FAM72D: variants seen among roughly 807,000 people sequenced by gnomAD.
FAM72D encodes the protein RUMY family member 4, also known as protein FAM72D.
For missense variants in FAM72D, 9 were observed against 104.7 expected (o/e 0.09, Z 3.99); for synonymous variants, 4 against 35.1 (o/e 0.11, Z 3.13).
intron 3 of FAM72D, among the ~76,000 whole-genome samples, chr1:145,107,162 G>T (rs1654959279): frequency 6.9e-6 from 1 of 144,084 alleles, no homozygotes; most frequent in African/African-American, 2.6e-5. Context: ...AATTATTTTA[G>T]TAAGAAAGTA....
chr1:145,105,845 G>A (rs1366911149), intron 3 of FAM72D, among the ~76,000 whole-genome samples: 24 of 142,596 alleles, frequency 1.7e-4, no homozygotes, highest in African/African-American at 6.3e-4. Flanking sequence ...CCAGCTACTT[G>A]GGAGGCTAAG....
intron 2 of FAM72D, among the ~76,000 whole-genome samples, chr1:145,101,037 G>A (rs1172899276): frequency 6.6e-6 from 1 of 150,680 alleles, no homozygotes; most frequent in Non-Finnish European, 1.5e-5. Context: ...CGTCTTCTGG[G>A]TTCAAGTGAT....
At chr1:145,103,756 G>A (rs1654816694) in intron 3 of FAM72D, among the ~76,000 whole-genome samples, 1 of 141,050 alleles carries the variant, frequency 7.1e-6, no homozygotes, top group East Asian at 2.1e-4. Flanking sequence ...CAATTTTTTG[G>A]TTTCCCAGTG....
intron 2 of FAM72D, among the ~76,000 whole-genome samples, chr1:145,102,707 C>T (rs1480758433): frequency 6.4e-5 from 7 of 109,088 alleles, no homozygotes; most frequent in African/African-American, 1.7e-4. Flanking sequence ...GCGGAGGTTG[C>T]AGGCACTCCA....
intron 2 of FAM72D, among the ~76,000 whole-genome samples, chr1:145,100,919 G>T (rs1654676820): frequency 1.4e-5 from 2 of 144,116 alleles, no homozygotes; most frequent in African/African-American, 5.2e-5. Flanking sequence ...ACAGGTGTGA[G>T]CCACCGCACC....
chr1:145,107,358 G>A (rs1553638549), intron 3 of FAM72D, among the ~76,000 whole-genome samples: 1 of 122,572 alleles, frequency 8.2e-6, no homozygotes, highest in Non-Finnish European at 1.7e-5. Context: ...CGATTCTCGT[G>A]CCTCAGCCTC....
At chr1:145,102,681 C>T (rs1654762983) in intron 2 of FAM72D, among the ~76,000 whole-genome samples, 1 of 91,762 alleles carries the variant, frequency 1.1e-5, no homozygotes, top group South Asian at 3.9e-4. Context: ...GCAGGAGAAT[C>T]ACTTGAACCT....
chr1:145,105,876 C>T (rs1358171837), intron 3 of FAM72D, among the ~76,000 whole-genome samples: 1 of 141,894 alleles, frequency 7.0e-6, no homozygotes, highest in Non-Finnish European at 1.5e-5. Flanking sequence ...GGCTTGAACC[C>T]GGGAGGCGGA....
intron 3 of FAM72D, among the ~76,000 whole-genome samples, chr1:145,109,775 TGAC>T (rs1252871543): frequency 1.7e-5 from 2 of 114,672 alleles, no homozygotes; most frequent in Non-Finnish European, 3.6e-5. Context: ...CTCAAAAACA[TGAC>T]GAGTGAAAAA....
At chr1:145,100,730 A>G (rs1483556711) in intron 2 of FAM72D, among the ~76,000 whole-genome samples, 3 of 149,592 alleles carry the variant, frequency 2.0e-5, no homozygotes, top group Non-Finnish European at 4.4e-5. Context: ...GAGCTCAGGC[A>G]GTCCGCCTGC....
At chr1:145,102,765 T>TAAG (rs1553638097) in intron 2 of FAM72D, among the ~76,000 whole-genome samples, 1 of 136,530 alleles carries the variant, frequency 7.3e-6, no homozygotes, top group East Asian at 2.1e-4. Context: ...ATAATAATAA[T>TAAG]AATAATAATA....
intron 3 of FAM72D, among the ~76,000 whole-genome samples, chr1:145,105,704 G>C (rs1212785547): frequency 6.6e-6 from 1 of 150,740 alleles, no homozygotes; most frequent in African/African-American, 2.5e-5. Context: ...TGTAATCCCA[G>C]CAGTTTGGGA....
chr1:145,107,610 A>T (rs1571203244), intron 3 of FAM72D, among the ~76,000 whole-genome samples: 1 of 69,636 alleles, frequency 1.4e-5, no homozygotes, highest in Non-Finnish European at 2.9e-5. Context: ...CAGGCTGGAG[A>T]GCAGTGGCGT....
chr1:145,105,955 A>G (rs1654904797), intron 3 of FAM72D, among the ~76,000 whole-genome samples: 1 of 149,544 alleles, frequency 6.7e-6, no homozygotes, highest in Admixed American at 6.6e-5. Flanking sequence ...TCCATCTCAA[A>G]AAAAAAAAAA....
chr1:145,105,679 G>T (rs782404483), intron 3 of FAM72D, among the ~76,000 whole-genome samples: 1 of 150,796 alleles, frequency 6.6e-6, no homozygotes, highest in Admixed American at 6.6e-5. Flanking sequence ...GAGGCCGGGC[G>T]CGGTGGCTCA....
At chr1:145,105,797 A>G (rs1276167892) in intron 3 of FAM72D, among the ~76,000 whole-genome samples, 3 of 147,002 alleles carry the variant, frequency 2.0e-5, no homozygotes, top group African/African-American at 7.5e-5. Flanking sequence ...TACTAAAAAT[A>G]CAAAATTAGC....
chr1:145,105,932 A>G (rs1264663183), intron 3 of FAM72D, among the ~76,000 whole-genome samples: 6 of 148,280 alleles, frequency 4.0e-5, no homozygotes, highest in Non-Finnish European at 7.5e-5. Flanking sequence ...AGCCTGGGCA[A>G]CAAAAGTGAA....
chr1:145,094,993 G>A, upstream of FAM72D: 1 of 1,541,474 alleles, frequency 6.5e-7, no homozygotes, highest in Non-Finnish European at 8.7e-7. Flanking sequence ...GTCCCAGGCT[G>A]TACAGTGATG....
intron 2 of FAM72D, among the ~76,000 whole-genome samples, chr1:145,100,490 CTTTT>C (rs1323178789): frequency 7.6e-6 from 1 of 130,994 alleles, no homozygotes; most frequent in Non-Finnish European, 1.6e-5. Context: ...TTTCTTCTTT[CTTTT>C]TTTTTTTTTT....
Sources: allele counts gnomAD v4.1 joint callset (sites outside exome capture counted in the v4.1 genomes callset), GRCh38; gene constraint gnomAD v4.1.1; transcripts MANE v1.5; gene names NCBI Gene and HGNC (gene_info 2026-07-23, HGNC 2026-07-21).